The following VPS53 variants were observed in gnomAD, a reference collection of about 807,000 sequenced individuals.
The protein encoded by VPS53 is VPS53 subunit of GARP complex.
In VPS53, 70 loss-of-function variants were observed where a neutral mutation model predicts 107.0. That is an observed-to-expected ratio of 0.65 (90% CI 0.54 to 0.80). The LOEUF (loss-of-function observed/expected upper bound fraction) is 0.80, where lower values mean the gene tolerates loss of function less well. VPS53 is among the 30% of genes least tolerant of loss of function. The pLI is 0.00. For missense variants in VPS53, 917 were observed against 1,049.4 expected (o/e 0.87, Z 1.74); for synonymous variants, 409 against 393.3 (o/e 1.04, Z -0.47).
chr17:613,052 C>G (rs925667088), intron 11 of VPS53, among the ~76,000 whole-genome samples: 1 of 149,220 alleles, frequency 6.7e-6, no homozygotes, highest in African/African-American at 2.5e-5. Flanking sequence ...TGAATTCACA[C>G]AGTGAAAACC....
chr17:636,212 CTGTT>C (rs1183593403), intron 7 of VPS53, among the ~76,000 whole-genome samples: 1 of 152,184 alleles, frequency 6.6e-6, no homozygotes. Context: ...ATTTGGCTCT[CTGTT>C]TGTCTGTTAT....
chr17:583,355 G>A lies in VPS53; in HGVS notation c.1313+2915C>T, dbSNP rs73973158. 2.6e-3 allele frequency among the ~76,000 whole-genome samples: 395 copies of A among 149,222 alleles called. 1 individual carries two copies. The highest frequency in any genetic ancestry group is 9.5e-3 in the African/African-American group (381 of 40,246). On this transcript the variant is annotated intron_variant, in intron 13 of 21. Coordinates refer to ENST00000437048, the MANE Select transcript of VPS53 (RefSeq NM_001128159.3). ...ACAGAACCTCCCTCAGAACCTCAAT[G>A]CGTTCCCAGAGACCTTCCCTCACGA... is the stretch of plus-strand genomic sequence containing the variant.
intron 4 of VPS53, among the ~76,000 whole-genome samples, chr17:685,862 A>T (rs570135193): frequency 7.9e-5 from 12 of 152,154 alleles, no homozygotes; most frequent in Admixed American, 6.5e-4. Context: ...AAATTAAAAA[A>T]TTAGCCAGAC....
In VPS53 at chr17:653,370, G is replaced by A. The variant is rs764807982; in HGVS notation, c.529C>T (p.Leu177Phe). 1.2e-6 allele frequency: 2 copies of A among 1,614,272 alleles called. No homozygotes were observed. The highest frequency in any genetic ancestry group is 1.7e-6 in the Non-Finnish European group (2 of 1,180,054). The change falls in exon 7 of 22, where the codon CTC becomes TTC. Residue 177 changes from leucine to phenylalanine, a missense_variant. Transcript: ENST00000437048. The part of the protein sequence containing the change: ...RRRQYGEVAN[L>F]LQGVMNVLEH... ...AGGACATTCATCACACCCTGAAGGA[G>A]ATTAGCAACTTCTCCGTATTGTCTT... is the stretch of plus-strand genomic sequence containing the variant.
intron 13 of VPS53, among the ~76,000 whole-genome samples, chr17:584,690 T>G (rs899625782): frequency 6.6e-6 from 1 of 152,088 alleles, no homozygotes; most frequent in Non-Finnish European, 1.5e-5. Flanking sequence ...CTGACTAGTT[T>G]TTTTAAAAAA....
chr17:616,736 GCAAA>G (rs1212517774), intron 11 of VPS53: 3 of 152,304 alleles, frequency 2.0e-5, no homozygotes, highest in Non-Finnish European at 2.9e-5. Flanking sequence ...CATTGTCTTT[GCAAA>G]CTTGAGTAAG....
At chr17:614,816 A>C (rs1214113465) in intron 11 of VPS53, among the ~76,000 whole-genome samples, 2 of 152,244 alleles carry the variant, frequency 1.3e-5, no homozygotes, top group Non-Finnish European at 2.9e-5. Flanking sequence ...TAATTCTAAA[A>C]ACTGGGGAAG....
At chr17:698,395 T>G (rs372133936) in intron 3 of VPS53, among the ~76,000 whole-genome samples, 1 of 146,900 alleles carries the variant, frequency 6.8e-6, no homozygotes, top group Non-Finnish European at 1.5e-5. Context: ...ATCACACCAC[T>G]GCACTCTAGC....
intron 12 of VPS53, among the ~76,000 whole-genome samples, chr17:591,191 G>C (rs969121368): frequency 2.0e-5 from 3 of 152,122 alleles, no homozygotes; most frequent in African/African-American, 7.2e-5. Flanking sequence ...ATTCTCTGAT[G>C]GTAGTTTGTA....
Position 605,582 on chromosome 17 carries a change from T to C in VPS53, c.1117-3686A>G, listed in dbSNP as rs563837189. The stretch of plus-strand genomic sequence containing the variant: ...GCGGGAGTCCCATCATATTGGTGAG[T>C]CAGGGACGGAAACAAAGATGGGGGC... On this transcript the variant is annotated intron_variant, in intron 11 of 21. Coordinates refer to ENST00000437048, the MANE Select transcript of VPS53 (RefSeq NM_001128159.3). 5.1e-4 allele frequency among the ~76,000 whole-genome samples: 65 copies of C among 127,048 alleles called. 1 individual carries two copies. Among genetic ancestry groups the C allele is most frequent in the African/African-American group, 1.9e-3 (63 of 32,992 alleles). The allele number at this position is 127,048 out of a possible 152,430, so 83.3% of individuals were successfully genotyped here.
chr17:654,310 G>A (rs1039771614), intron 6 of VPS53, among the ~76,000 whole-genome samples: 1 of 152,186 alleles, frequency 6.6e-6, no homozygotes, highest in Non-Finnish European at 1.5e-5. Context: ...GGTTAATGAC[G>A]CTTAAATAAA....
chr17:604,981 CACAA>C (rs1198106970), intron 11 of VPS53, among the ~76,000 whole-genome samples: 1 of 152,176 alleles, frequency 6.6e-6, no homozygotes, highest in African/African-American at 2.4e-5. Context: ...CCAACAGTCA[CACAA>C]ACAGTGAGAA....
chr17:596,445 T>C (rs542039621), intron 12 of VPS53, among the ~76,000 whole-genome samples: 3 of 152,254 alleles, frequency 2.0e-5, no homozygotes, highest in Non-Finnish European at 4.4e-5. Context: ...GAAAGCTGCA[T>C]GACCAGGCAG....
intron 13 of VPS53, among the ~76,000 whole-genome samples, chr17:585,097 A>G (rs1597342766): frequency 6.6e-6 from 1 of 152,248 alleles, no homozygotes. Context: ...GTATCATCCC[A>G]TAAGATACTT....
intron 4 of VPS53, among the ~76,000 whole-genome samples, chr17:678,569 C>A (rs1026330602): frequency 3.3e-5 from 5 of 151,554 alleles, no homozygotes; most frequent in Non-Finnish European, 5.9e-5. Context: ...TGGGCTCCAG[C>A]GATTCTCCTG....
intron 13 of VPS53, among the ~76,000 whole-genome samples, chr17:576,368 T>C (rs1914611056): frequency 1.3e-5 from 2 of 151,570 alleles, no homozygotes; most frequent in African/African-American, 4.9e-5. Context: ...ACCTAATGCA[T>C]TCCCAGAGAA....
At chr17:568,544 A>G (rs1043265663) in intron 13 of VPS53, among the ~76,000 whole-genome samples, 1 of 152,010 alleles carries the variant, frequency 6.6e-6, no homozygotes, top group Admixed American at 6.6e-5. Context: ...ACCATGCCCG[A>G]CCCTAGAGCT....
chr17:664,238 C>A (rs1971586566), intron 4 of VPS53, among the ~76,000 whole-genome samples: 1 of 152,110 alleles, frequency 6.6e-6, no homozygotes, highest in African/African-American at 2.4e-5. Flanking sequence ...GCCACCACAC[C>A]TGGCTAATTT....
intron 13 of VPS53, among the ~76,000 whole-genome samples, chr17:579,841 A>C (rs1005660484): frequency 6.6e-6 from 1 of 150,998 alleles, no homozygotes; most frequent in Non-Finnish European, 1.5e-5. Context: ...CTCCCTCATA[A>C]CCTAATTCCT....
Sources: gnomAD v4.1 joint callset for allele counts (sites outside exome capture counted in the v4.1 genomes callset) on GRCh38, gnomAD v4.1.1 for gene constraint, MANE v1.5 for transcripts, NCBI Gene and HGNC (gene_info 2026-07-23, HGNC 2026-07-21) for gene names.